Variants in RIMS2 observed in about 807,000 individuals in gnomAD.
RIMS2 encodes the protein regulating synaptic membrane exocytosis protein 2.
In RIMS2, 59 loss-of-function variants were observed where a neutral mutation model predicts 174.4. The ratio of observed to expected loss-of-function variants is 0.34; its 90% CI spans 0.27 to 0.42. The LOEUF (loss-of-function observed/expected upper bound fraction) is 0.42, where lower values mean the gene tolerates loss of function less well. Among genes scored for constraint, RIMS2 ranks in the 10% least tolerant of loss-of-function variants. The pLI, the probability that RIMS2 is intolerant of heterozygous loss-of-function variation, is 1.00. For synonymous variants in RIMS2, 606 were observed against 572.5 expected (o/e 1.06, Z -0.84); for missense variants, 1,620 against 1,666.3 (o/e 0.97, Z 0.48).
chr8:103,782,922 C>G (rs2098405351), intron 3 of RIMS2, among the ~76,000 whole-genome samples: 1 of 152,086 alleles, frequency 6.6e-6, no homozygotes, highest in East Asian at 1.9e-4. Flanking sequence ...TTTTCTATAT[C>G]TGTATAATGA....
At chr8:103,955,162 A>G (rs903322006) in intron 14 of RIMS2, among the ~76,000 whole-genome samples, 1 of 152,204 alleles carries the variant, frequency 6.6e-6, no homozygotes, top group Non-Finnish European at 1.5e-5. Context: ...GCCAAATTCT[A>G]CCAGAGGTAC....
chr8:104,168,633 A>C (rs1900519), intron 19 of RIMS2, among the ~76,000 whole-genome samples: 1 of 151,764 alleles, frequency 6.6e-6, no homozygotes, highest in Non-Finnish European at 1.5e-5. Context: ...TTTCCAATTC[A>C]AATGCCCTTT....
chr8:103,581,841 G>A (rs556085724), intron 1 of RIMS2, among the ~76,000 whole-genome samples: 20 of 152,306 alleles, frequency 1.3e-4, no homozygotes, highest in African/African-American at 4.8e-4. Flanking sequence ...AACTTGAAAG[G>A]CAGTGTAGGC....
intron 19 of RIMS2, among the ~76,000 whole-genome samples, chr8:104,199,741 G>A (rs766143346): frequency 3.3e-5 from 5 of 152,150 alleles, no homozygotes; most frequent in African/African-American, 1.2e-4. Context: ...TCTATGAGCG[G>A]CACACAATAA....
At chr8:103,593,494 C>T (rs1484598622) in intron 1 of RIMS2, among the ~76,000 whole-genome samples, 1 of 151,354 alleles carries the variant, frequency 6.6e-6, no homozygotes, top group East Asian at 1.9e-4. Context: ...ATAGCATATA[C>T]CAAAAGATAT....
intron 19 of RIMS2, among the ~76,000 whole-genome samples, chr8:104,025,748 A>T (rs539713430): frequency 1.1e-4 from 17 of 151,072 alleles, no homozygotes; most frequent in African/African-American, 4.1e-4. Flanking sequence ...TGTACCACAT[A>T]ATGCTGTTTT....
At chr8:104,027,128 A>T (rs2096273005) in intron 19 of RIMS2, among the ~76,000 whole-genome samples, 1 of 152,272 alleles carries the variant, frequency 6.6e-6, no homozygotes, top group Admixed American at 6.5e-5. Context: ...GACTTGAAAG[A>T]GGAGAAACTG....
chr8:104,050,834 A>G (rs2096773596), intron 19 of RIMS2, among the ~76,000 whole-genome samples: 1 of 152,210 alleles, frequency 6.6e-6, no homozygotes, highest in South Asian at 2.1e-4. Context: ...ATGTAACAAT[A>G]CTTAATATTC....
chr8:103,719,883 A>G (rs190674947), intron 2 of RIMS2, among the ~76,000 whole-genome samples: 12 of 152,324 alleles, frequency 7.9e-5, no homozygotes, highest in African/African-American at 2.9e-4. Flanking sequence ...CTAGAGGCGT[A>G]TCATGTGTTT....
intron 14 of RIMS2, among the ~76,000 whole-genome samples, chr8:103,943,827 A>G (rs1417848997): frequency 6.6e-6 from 1 of 152,176 alleles, no homozygotes; most frequent in African/African-American, 2.4e-5. Flanking sequence ...CATTTTGTCA[A>G]GTGCTGCAGG....
chr8:103,805,348 TTTC>T (rs1291262827), intron 3 of RIMS2, among the ~76,000 whole-genome samples: 2 of 152,126 alleles, frequency 1.3e-5, no homozygotes, highest in African/African-American at 4.8e-5. Context: ...GTTGTGTAGA[TTTC>T]TTCTTTAGTA....
chr8:104,145,307 C>T lies in RIMS2; in HGVS notation c.3335-99609C>T, dbSNP rs116210133. On this transcript the variant is annotated intron_variant, in intron 19 of 23. Coordinates refer to ENST00000504942, the Ensembl canonical transcript of RIMS2. ...CAAGTTGCTCTTTAGAAATCTATCA[C>T]TGAGATCCCACTAGAAGTGTTGAAA... is the stretch of plus-strand genomic sequence containing the variant. Among the ~76,000 whole-genome samples, 494 of 152,088 alleles carry T rather than the reference C, an allele frequency of 3.2e-3. 4 individuals are homozygous for T. Among genetic ancestry groups the T allele is most frequent in the African/African-American group, 0.011 (454 of 41,496 alleles).
intron 3 of RIMS2, among the ~76,000 whole-genome samples, chr8:103,767,624 A>G (rs976125607): frequency 5.3e-5 from 8 of 152,222 alleles, no homozygotes; most frequent in African/African-American, 1.9e-4. Flanking sequence ...AAACAAATCT[A>G]AATTGTACAT....
At chr8:104,101,882 G>C (rs1450881150) in intron 19 of RIMS2, among the ~76,000 whole-genome samples, 1 of 151,936 alleles carries the variant, frequency 6.6e-6, no homozygotes, top group Non-Finnish European at 1.5e-5. Flanking sequence ...GAAACATTTT[G>C]TCTGCCCTCT....
intron 19 of RIMS2, among the ~76,000 whole-genome samples, chr8:104,023,497 A>G (rs1431395097): frequency 6.6e-6 from 1 of 152,168 alleles, no homozygotes; most frequent in Non-Finnish European, 1.5e-5. Context: ...ACAAGGTAAA[A>G]GAGAAAGAAA....
At chr8:104,209,208 T>C (rs1369044578) in intron 19 of RIMS2, among the ~76,000 whole-genome samples, 2 of 152,176 alleles carry the variant, frequency 1.3e-5, no homozygotes, top group East Asian at 3.9e-4. Flanking sequence ...ATTAATTACT[T>C]CCAATTCTAT....
chr8:104,216,811 T>C (rs2099132001), intron 19 of RIMS2, among the ~76,000 whole-genome samples: 1 of 152,244 alleles, frequency 6.6e-6, no homozygotes, highest in African/African-American at 2.4e-5. Context: ...TGTTCACTGC[T>C]GTATCCCCAG....
At chr8:103,904,986 G>A (rs907977963) in intron 4 of RIMS2, among the ~76,000 whole-genome samples, 2 of 151,840 alleles carry the variant, frequency 1.3e-5, no homozygotes, top group African/African-American at 2.4e-5. Context: ...TGGTGCTGAC[G>A]TTTAACTAGA....
chr8:103,961,049 ATTG>A lies in RIMS2; in HGVS notation c.2702-13_2702-11del. ...AGAATCAGAATTTTTAATTATTGCTATTGTTTACTTTATAGGGTCAAAGAGAAT... is the reference window on the plus strand; with the variant it reads ...AGAATCAGAATTTTTAATTATTGCTATTTACTTTATAGGGTCAAAGAGAAT... On this transcript the variant is annotated splice_polypyrimidine_tract_variant and intron_variant, in intron 14 of 23. Transcript: ENST00000504942. 7.7e-7 allele frequency: 1 copy of A among 1,303,298 alleles called. No individual in the cohort carries two copies. Among genetic ancestry groups the A allele is most frequent in the South Asian group, 1.2e-5 (1 of 83,320 alleles). 80.7% of individuals were successfully genotyped at this position (1,303,298 alleles called of 1,614,324 possible).
Sources: gnomAD v4.1 joint callset for allele counts (sites outside exome capture counted in the v4.1 genomes callset) on GRCh38, gnomAD v4.1.1 for gene constraint, MANE v1.5 for transcripts, NCBI Gene and HGNC (gene_info 2026-07-23, HGNC 2026-07-21) for gene names.